Variants in ADGRB1 observed in about 807,000 individuals in gnomAD.
The protein encoded by ADGRB1 is adhesion G protein-coupled receptor B1.
Under a neutral mutation model 175.7 loss-of-function variants are expected in ADGRB1, and 36 were observed. The observed-to-expected ratio is 0.20, with a 90% CI of 0.16 to 0.27. The LOEUF is 0.27. Among genes scored for constraint, ADGRB1 ranks in the 10% least tolerant of loss-of-function variants. The pLI is 1.00. For missense variants in ADGRB1, 1,731 were observed against 2,255.3 expected, an observed-to-expected ratio of 0.77 and a Z score of 4.71; for synonymous variants, 1,054 against 979.4, an observed-to-expected ratio of 1.08 and a Z score of -1.42.
chr8:142,484,639 AC>A lies in ADGRB1; in HGVS notation c.2200-11del, dbSNP rs750600813. ...GTGGGGCCTCCTCCCTCGGCTGCTCACCCCCCTGCCCTCCAGGCGGGCCCCA... is the reference window on the plus strand; with the variant it reads ...GTGGGGCCTCCTCCCTCGGCTGCTCACCCCCTGCCCTCCAGGCGGGCCCCA... On this transcript the variant is annotated splice_polypyrimidine_tract_variant and intron_variant, in intron 12 of 30. Transcript: ENST00000517894. The A allele has an allele frequency of 5.0e-6, 8 of 1,599,698 alleles. No homozygotes were observed. The highest frequency in any genetic ancestry group is 4.3e-6 in the Non-Finnish European group (5 of 1,174,188).
chr8:142,543,810 CCATCCATTCGTT>C lies in ADGRB1; in HGVS notation c.4557+106_4557+117del. 2 of 1,151,750 alleles carry C rather than the reference CCATCCATTCGTT, an allele frequency of 1.7e-6. No individual in the cohort carries two copies. Among genetic ancestry groups the C allele is most frequent in the East Asian group, 2.6e-5 (1 of 38,764 alleles). 71.3% of individuals were successfully genotyped at this position (1,151,750 alleles called of 1,614,324 possible). A position where few individuals can be genotyped will look rare whatever the true frequency, so the allele number is the denominator to read the frequency against. On this transcript the variant is annotated intron_variant, in intron 30 of 30. Coordinates refer to ENST00000517894, the MANE Select transcript of ADGRB1 (RefSeq NM_001702.3). The surrounding 1 kb of genome is among the most constrained non-coding windows in gnomAD (Gnocchi z 4.4). ...GCACTTCATCCATCCATCCATCCAT[CCATCCATTCGTT>C]CATTCATTCATTCATTCGCCCATCC...
At position 142,542,807 on chromosome 8, in the gene ADGRB1, A is replaced by G. The variant is rs1026665509; in HGVS notation, c.4413+160A>G. On this transcript the variant is annotated intron_variant, in intron 28 of 30. Transcript: ENST00000517894. The surrounding 1 kb of genome is among the most constrained non-coding windows in gnomAD (Gnocchi z 6.3). ...CCTGGCCCTGCTGGGTGTGCTGTGTATGTCTGACGTGTGGTCCCCACCCTA... is the reference window on the plus strand; with the variant it reads ...CCTGGCCCTGCTGGGTGTGCTGTGTGTGTCTGACGTGTGGTCCCCACCCTA... Among the ~76,000 whole-genome samples, 1 of 152,020 alleles carries G rather than the reference A, an allele frequency of 6.6e-6. No homozygotes were observed. Among genetic ancestry groups the G allele is most frequent in the Non-Finnish European group, 1.5e-5 (1 of 67,976 alleles).
intron 1 of ADGRB1, among the ~76,000 whole-genome samples, chr8:142,460,116 C>T (rs1214514329): frequency 1.3e-5 from 2 of 152,274 alleles, no homozygotes; most frequent in African/African-American, 4.8e-5. Flanking sequence ...CCTGGTCACC[C>T]CCGGCCTTGG....
chr8:142,462,751 C>T (rs1400086273), intron 1 of ADGRB1, among the ~76,000 whole-genome samples: 1 of 152,258 alleles, frequency 6.6e-6, no homozygotes, highest in Non-Finnish European at 1.5e-5. Context: ...GGGGGACTGG[C>T]TACAGCTCCC....
intron 17 of ADGRB1, among the ~76,000 whole-genome samples, chr8:142,501,188 G>C (rs1440523811): frequency 6.6e-6 from 1 of 152,184 alleles, no homozygotes; most frequent in African/African-American, 2.4e-5. Flanking sequence ...TGGTCATTGT[G>C]ATGACTGTGA....
rs1845040169 is a variant in ADGRB1 at position 142,537,958 on chromosome 8, G to C, written c.3666+876G>C. On this transcript the variant is annotated intron_variant, in intron 26 of 30. Transcript: ENST00000517894. The surrounding 1 kb of genome is among the most constrained non-coding windows in gnomAD (Gnocchi z 4.6). ...ACTAGACCTCCTGCTTCTGCACCCA[G>C]AGGCTAGCACACAGGGTGGAGCCAG... is the stretch of plus-strand genomic sequence containing the variant. Among the ~76,000 whole-genome samples the C allele has an allele frequency of 6.6e-6, 1 of 152,110 alleles. No homozygotes were observed. Among genetic ancestry groups the C allele is most frequent in the South Asian group, 2.1e-4 (1 of 4,820 alleles).
chr8:142,516,057 G>A (rs1339424351), intron 18 of ADGRB1, among the ~76,000 whole-genome samples: 1 of 152,220 alleles, frequency 6.6e-6, no homozygotes, highest in African/African-American at 2.4e-5. Flanking sequence ...GGGAGGCACA[G>A]CTGGAGCCGT....
At chr8:142,489,877 C>G (rs938736381) in intron 16 of ADGRB1, among the ~76,000 whole-genome samples, 2 of 152,212 alleles carry the variant, frequency 1.3e-5, no homozygotes, top group African/African-American at 4.8e-5. Context: ...GAGCGTCCCC[C>G]CAGAACTCCC....
At chr8:142,486,583 G>A (rs999981866) in intron 13 of ADGRB1, among the ~76,000 whole-genome samples, 2 of 152,206 alleles carry the variant, frequency 1.3e-5, no homozygotes, top group Non-Finnish European at 2.9e-5. Context: ...GACCTGTACT[G>A]CAGGCGGCAT....
intron 17 of ADGRB1, among the ~76,000 whole-genome samples, chr8:142,498,495 T>C (rs922285379): frequency 6.6e-6 from 1 of 152,134 alleles, no homozygotes; most frequent in South Asian, 2.1e-4. Context: ...AGTCTTATAG[T>C]TGGGGCTGGC....
Position 142,464,701 on chromosome 8 carries a change from A to T in ADGRB1, c.503A>T (p.Asp168Val), listed in dbSNP as rs1258358047. ...GCCGGGCCGCCGGGCCCCACCGACG[A>T]CTTCTCCGTGGAGTACCTGGTGGTG... is the stretch of plus-strand genomic sequence containing the variant. ...PRAGPPGPTD[D>V]FSVEYLVVGN... Residue 168 changes from aspartate to valine, a missense_variant, in exon 2 of 31, where the codon GAC becomes GTC. This residue lies in a region of ADGRB1 where 383 missense variants were observed against 383.1 expected (regional missense o/e 1.00). Coordinates refer to ENST00000517894, the MANE Select transcript of ADGRB1 (RefSeq NM_001702.3). The T allele has an allele frequency of 2.6e-6, 4 of 1,529,456 alleles. No individual in the cohort carries two copies. The highest frequency in any genetic ancestry group is 3.5e-6 in the Non-Finnish European group (4 of 1,143,614). The allele number at this position is 1,529,456 out of a possible 1,614,324, so 94.7% of individuals were successfully genotyped here. A position where few individuals can be genotyped will look rare whatever the true frequency, so the allele number is the denominator to read the frequency against.
chr8:142,515,311 G>A (rs760425248), intron 18 of ADGRB1, among the ~76,000 whole-genome samples: 6 of 152,186 alleles, frequency 3.9e-5, no homozygotes, highest in Non-Finnish European at 7.4e-5. Flanking sequence ...AGTTGAGGCC[G>A]GTCTTGGTCT....
intron 1 of ADGRB1, among the ~76,000 whole-genome samples, chr8:142,460,594 G>C (rs1490914807): frequency 1.3e-5 from 2 of 152,150 alleles, no homozygotes; most frequent in Non-Finnish European, 2.9e-5. Context: ...AGGGCTTCAA[G>C]GTTTAAGAAT....
chr8:142,537,567 A>AGTCC lies in ADGRB1; in HGVS notation c.3666+486_3666+489dup, dbSNP rs1845008590. Among the ~76,000 whole-genome samples, 3 of 150,922 alleles carry AGTCC rather than the reference A, an allele frequency of 2.0e-5. No individual in the cohort carries two copies. The highest frequency in any genetic ancestry group is 7.3e-5 in the African/African-American group (3 of 40,844). On this transcript the variant is annotated intron_variant, in intron 26 of 30. Coordinates refer to ENST00000517894, the MANE Select transcript of ADGRB1 (RefSeq NM_001702.3). The surrounding 1 kb of genome is among the most constrained non-coding windows in gnomAD (Gnocchi z 4.6). ...CCCTGGCGCTCCCTGGGTGCTGCCC[A>AGTCC]GTCCTCAGCCCCTGCAGGGTGACTC... is the stretch of plus-strand genomic sequence containing the variant.
chr8:142,476,647 G>C lies in ADGRB1; in HGVS notation c.1009G>C (p.Glu337Gln). Residue 337 changes from glutamate (E) to glutamine (Q), a missense_variant, in exon 4 of 31, where the codon GAG becomes CAG. Coordinates refer to ENST00000517894, the MANE Select transcript of ADGRB1 (RefSeq NM_001702.3). ...LRSTDARRRE[E>Q]LGDELQQFGF... is the part of the protein sequence containing the mutation. ...GTCCACAGATGCCCGGCGGCGCGAG[G>C]AGCTGGGGGACGAGCTGCAGCAGTT... 1 of 1,548,430 alleles carries C rather than the reference G, an allele frequency of 6.5e-7. No individual in the cohort carries two copies. The highest frequency in any genetic ancestry group is 8.7e-7 in the Non-Finnish European group (1 of 1,146,114).
intron 2 of ADGRB1, among the ~76,000 whole-genome samples, chr8:142,466,911 G>A (rs1483799569): frequency 1.3e-5 from 2 of 152,214 alleles, no homozygotes; most frequent in South Asian, 2.1e-4. Context: ...CCTTTGCAGA[G>A]CGTTTTCCTC....
intron 25 of ADGRB1, among the ~76,000 whole-genome samples, chr8:142,534,249 G>T (rs775314706): frequency 2.5e-4 from 38 of 152,226 alleles, no homozygotes; most frequent in Non-Finnish European, 4.3e-4. Flanking sequence ...CCCTCCCCAG[G>T]ATCTCTGGCT....
intron 26 of ADGRB1, among the ~76,000 whole-genome samples, chr8:142,539,128 A>G (rs1288382391): frequency 6.6e-6 from 1 of 152,150 alleles, no homozygotes; most frequent in Non-Finnish European, 1.5e-5. Flanking sequence ...CCACTTATAC[A>G]CAGACATATC....
chr8:142,510,949 C>G lies in ADGRB1; in HGVS notation c.2693C>G (p.Pro898Arg), dbSNP rs1482825679. The G allele has an allele frequency of 1.5e-6, 2 of 1,291,128 alleles. No individual in the cohort carries two copies. The highest frequency in any genetic ancestry group is 2.0e-6 in the Non-Finnish European group (2 of 1,001,856). 80.0% of individuals were successfully genotyped at this position (1,291,128 alleles called of 1,614,324 possible). Reference sequence around the variant, plus strand: ...GCCCCCAGACCCTCCTCCTCCGCCCCCCCGCAGCTCGGGCCCTGGTCGTGG... The same window carrying G: ...GCCCCCAGACCCTCCTCCTCCGCCCGCCCGCAGCTCGGGCCCTGGTCGTGG... ...DETDVPSSSA[P>R]PQLGPWSWRG... The change falls in exon 18 of 31, where the codon CCC becomes CGC. Residue 898 changes from proline to arginine, a missense_variant. Around this residue, in one of 8 missense-constraint regions of ADGRB1, gnomAD observed 77 missense variants for 71.6 expected, o/e 1.08. Transcript: ENST00000517894. This position sits in a 1 kb window ranked among gnomAD's most constrained non-coding sequence, Gnocchi z 6.3.
Sources: allele counts gnomAD v4.1 joint callset (sites outside exome capture counted in the v4.1 genomes callset), GRCh38; gene constraint gnomAD v4.1.1; regional missense constraint gnomAD v4.1.1; non-coding constraint Gnocchi (gnomAD v3.1); transcripts MANE v1.5; gene names NCBI Gene and HGNC (gene_info 2026-07-23, HGNC 2026-07-21).